The following TNFRSF11A variants were observed in gnomAD, a reference collection of about 807,000 sequenced individuals.
TNFRSF11A encodes tumor necrosis factor receptor superfamily member 11A.
In TNFRSF11A, 32 loss-of-function variants were observed where a neutral mutation model predicts 55.7. The ratio of observed to expected loss-of-function variants is 0.57; its 90% CI spans 0.43 to 0.77. The LOEUF (loss-of-function observed/expected upper bound fraction) is 0.77. TNFRSF11A is among the 30% of genes least tolerant of loss of function. TNFRSF11A has a pLI of 0.00. For synonymous variants in TNFRSF11A, 311 were observed against 331.0 expected (o/e 0.94, Z 0.65); for missense variants, 753 against 809.8 (o/e 0.93, Z 0.85).
At chr18:62,353,855 G>C (rs1909030396) in intron 3 of TNFRSF11A, among the ~76,000 whole-genome samples, 1 of 152,142 alleles carries the variant, frequency 6.6e-6, no homozygotes, top group Non-Finnish European at 1.5e-5. Context: ...GAGTGCTTGA[G>C]GAGAGTTTGA....
Position 62,325,914 on chromosome 18 carries a change from C to G in TNFRSF11A, c.75+487C>G, listed in dbSNP as rs2046067137. Reference sequence around the variant, plus strand: ...CTGAACTGCGGGCTTGCCTTTGCCTCCCCTGAGCCCCTTCGGGGACACCCC... The same window carrying G: ...CTGAACTGCGGGCTTGCCTTTGCCTGCCCTGAGCCCCTTCGGGGACACCCC... On this transcript the variant is annotated intron_variant, in intron 1 of 9. Coordinates refer to ENST00000586569, the MANE Select transcript of TNFRSF11A (RefSeq NM_003839.4). This position sits in a 1 kb window ranked among gnomAD's most constrained non-coding sequence, Gnocchi z 4.7. 6.6e-6 allele frequency among the ~76,000 whole-genome samples: 1 copy of G among 152,208 alleles called. No homozygotes were observed. The highest frequency in any genetic ancestry group is 1.5e-5 in the Non-Finnish European group (1 of 68,034).
chr18:62,378,071 G>A (rs1232983433), intron 9 of TNFRSF11A: 1 of 152,200 alleles, frequency 6.6e-6, no homozygotes, highest in Admixed American at 6.5e-5. Context: ...GAGACCCACA[G>A]CACCCACCTG....
At chr18:62,346,608 A>G (rs2046387534) in intron 1 of TNFRSF11A, among the ~76,000 whole-genome samples, 1 of 152,140 alleles carries the variant, frequency 6.6e-6, no homozygotes, top group South Asian at 2.1e-4. Flanking sequence ...ACATCACCTC[A>G]ATAACACACT....
At chr18:62,346,969 CA>C (rs1190994522) in intron 1 of TNFRSF11A, among the ~76,000 whole-genome samples, 2 of 152,170 alleles carry the variant, frequency 1.3e-5, no homozygotes, top group African/African-American at 4.8e-5. Flanking sequence ...TCATATTGTC[CA>C]AAGTCTTCCT....
At chr18:62,339,470 G>A (rs1336235189) in intron 1 of TNFRSF11A, among the ~76,000 whole-genome samples, 2 of 150,152 alleles carry the variant, frequency 1.3e-5, no homozygotes, top group East Asian at 2.2e-4. Flanking sequence ...CCTCGTCCAC[G>A]ATCAGGGAGG....
chr18:62,378,818 G>A (rs751850039), intron 9 of TNFRSF11A, among the ~76,000 whole-genome samples: 56 of 152,344 alleles, frequency 3.7e-4, no homozygotes, highest in Non-Finnish European at 7.1e-4. Context: ...ACTAGTGAGA[G>A]CCAAGTCTCA....
intron 7 of TNFRSF11A, among the ~76,000 whole-genome samples, chr18:62,365,715 C>T (rs377167808): frequency 9.5e-4 from 145 of 152,276 alleles, no homozygotes; most frequent in Non-Finnish European, 1.4e-3. Flanking sequence ...GTCACTGAAA[C>T]GTTAGAGGAT....
chr18:62,366,693 C>T lies in TNFRSF11A; in HGVS notation c.731-15C>T, dbSNP rs1312310581. The stretch of plus-strand genomic sequence containing the variant: ...TAATAACTTGAAGTCCTTATCCTTG[C>T]TTTGTGTTTTCTAGCTAATTTGTGG... On this transcript the variant is annotated splice_polypyrimidine_tract_variant and intron_variant, in intron 7 of 9. Transcript: ENST00000586569. The T allele has an allele frequency of 6.2e-7, 1 of 1,613,952 alleles. No homozygotes were observed. The highest frequency in any genetic ancestry group is 1.7e-5 in the Admixed American group (1 of 60,014).
At chr18:62,348,546 A>G (rs553702547) in intron 2 of TNFRSF11A, among the ~76,000 whole-genome samples, 1 of 152,354 alleles carries the variant, frequency 6.6e-6, no homozygotes, top group East Asian at 1.9e-4. Context: ...AAAAACTAAT[A>G]TTTTAGCACT....
chr18:62,325,892 A>G lies in TNFRSF11A; in HGVS notation c.75+465A>G, dbSNP rs887908217. ...AGAGACATGATTCCCTCCGTCCCTG[A>G]ACTGCGGGCTTGCCTTTGCCTCCCC... On this transcript the variant is annotated intron_variant, in intron 1 of 9. Transcript: ENST00000586569. The surrounding 1 kb of genome is among the most constrained non-coding windows in gnomAD (Gnocchi z 4.7). Among the ~76,000 whole-genome samples, 5 of 152,178 alleles carry G rather than the reference A, an allele frequency of 3.3e-5. No individual in the cohort carries two copies. Among genetic ancestry groups the G allele is most frequent in the Non-Finnish European group, 7.4e-5 (5 of 68,006 alleles).
chr18:62,343,750 G>A (rs1379731385), intron 1 of TNFRSF11A, among the ~76,000 whole-genome samples: 2 of 152,178 alleles, frequency 1.3e-5, no homozygotes, highest in African/African-American at 4.8e-5. Flanking sequence ...AGCAAGAGAA[G>A]TCAAATCATC....
intron 9 of TNFRSF11A, among the ~76,000 whole-genome samples, chr18:62,381,492 G>T (rs1163647886): frequency 6.6e-6 from 1 of 152,178 alleles, no homozygotes; most frequent in Admixed American, 6.5e-5. Context: ...AGATGAGAAC[G>T]AATTCAAAAC....
chr18:62,378,578 TGCC>T (rs1911054479), intron 9 of TNFRSF11A, among the ~76,000 whole-genome samples: 1 of 152,244 alleles, frequency 6.6e-6, no homozygotes, highest in African/African-American at 2.4e-5. Flanking sequence ...GGAGGAGGAA[TGCC>T]ACCATTGCAC....
At chr18:62,366,806 T>G in intron 8 of TNFRSF11A, 46 bp downstream of exon 8, 1 of 1,599,802 alleles carries the variant, frequency 6.3e-7, no homozygotes, top group Non-Finnish European at 8.6e-7. Context: ...CATTCAACAG[T>G]TAGGCTGGTA....
At position 62,387,704 on chromosome 18, in the gene TNFRSF11A, C is replaced by T. The variant is rs1336173950; in HGVS notation, c.*2670C>T. ...TGTTTCCTACTCACATTTTACTCAG[C>T]TGTCGGAAGGAAGAATGAATTTCTC... On this transcript the variant is annotated 3_prime_UTR_variant, in exon 10 of 10. Transcript: ENST00000586569. The T allele has an allele frequency of 6.6e-6, 1 of 152,190 alleles. No homozygotes were observed. Among genetic ancestry groups the T allele is most frequent in the African/African-American group, 2.4e-5 (1 of 41,428 alleles). The allele number at this position is 152,190 out of a possible 1,614,324, so 9.4% of individuals were successfully genotyped here. A position where few individuals can be genotyped will look rare whatever the true frequency, so the allele number is the denominator to read the frequency against.
chr18:62,365,828 GT>G (rs1318662890), intron 7 of TNFRSF11A, among the ~76,000 whole-genome samples: 1 of 151,478 alleles, frequency 6.6e-6, no homozygotes, highest in African/African-American at 2.4e-5. Context: ...TTATTTTTTG[GT>G]TTTTTTGAGA....
At chr18:62,336,940 A>G (rs1010704345) in intron 1 of TNFRSF11A, among the ~76,000 whole-genome samples, 3 of 152,218 alleles carry the variant, frequency 2.0e-5, no homozygotes, top group Non-Finnish European at 2.9e-5. Flanking sequence ...GTAAAAATCA[A>G]CAGACCATTG....
intron 1 of TNFRSF11A, among the ~76,000 whole-genome samples, chr18:62,338,691 C>T (rs894208346): frequency 3.9e-5 from 6 of 152,070 alleles, no homozygotes; most frequent in African/African-American, 7.3e-5. Context: ...TACTAGTTAA[C>T]GGTTACAGAG....
At chr18:62,350,970 A>G (rs1346142619) in intron 3 of TNFRSF11A, among the ~76,000 whole-genome samples, 1 of 119,782 alleles carries the variant, frequency 8.3e-6, no homozygotes, top group African/African-American at 3.1e-5. Context: ...CATTTAATGT[A>G]TTATTCTGTC....
Sources: gnomAD v4.1 joint callset for allele counts (sites outside exome capture counted in the v4.1 genomes callset) on GRCh38, gnomAD v4.1.1 for gene constraint, Gnocchi (gnomAD v3.1) non-coding constraint, MANE v1.5 for transcripts, NCBI Gene and HGNC (gene_info 2026-07-23, HGNC 2026-07-21) for gene names.